The following TSHZ3 variants were observed in gnomAD, a reference collection of about 807,000 sequenced individuals.
TSHZ3 encodes teashirt homolog 3.
Under a neutral mutation model 64.5 loss-of-function variants are expected in TSHZ3, and 10 were observed. The observed-to-expected ratio is 0.16, with a 90% CI of 0.10 to 0.26. TSHZ3 has a LOEUF of 0.26. Ranked by LOEUF, TSHZ3 falls within the 10% of genes least tolerant of loss-of-function variation. The pLI, the probability that TSHZ3 is intolerant of heterozygous loss-of-function variation, is 1.00. For synonymous variants in TSHZ3, 608 were observed against 593.1 expected (o/e 1.03, Z -0.36); for missense variants, 1,242 against 1,421.7 (o/e 0.87, Z 2.03).
At position 31,206,051 on chromosome 19, in the gene TSHZ3, G is replaced by A. The variant is rs149198334; in HGVS notation, n.687-973C>T. The stretch of plus-strand genomic sequence containing the variant: ...TGGATGAATTGATGGGTGAGTGGAA[G>A]ATAAATGAATAGATGGATGGGTGAA... On this transcript the variant is annotated intron_variant and non_coding_transcript_variant, in intron 4 of 6. Coordinates refer to the TSHZ3 transcript ENST00000651361. Among the ~76,000 whole-genome samples, 25 of 151,964 alleles carry A rather than the reference G, an allele frequency of 1.6e-4. No homozygotes were observed. In the East Asian group the frequency reaches 3.1e-3, roughly 19 times the overall value.
intron 1 of TSHZ3, among the ~76,000 whole-genome samples, chr19:31,264,868 T>G (rs890393664): frequency 8.5e-5 from 13 of 152,186 alleles, no homozygotes; most frequent in Non-Finnish European, 1.9e-4. Context: ...CTCTTTCTAG[T>G]AAATTCTGGT....
intron 4 of TSHZ3, among the ~76,000 whole-genome samples, chr19:31,206,375 A>C (rs1017563610): frequency 1.3e-4 from 20 of 152,232 alleles, no homozygotes; most frequent in Middle Eastern, 3.4e-3. Flanking sequence ...ATGGATGGAT[A>C]GGTGGAGAGA....
chr19:31,177,647 T>C (rs887612731), intron 5 of TSHZ3, among the ~76,000 whole-genome samples: 3 of 152,260 alleles, frequency 2.0e-5, no homozygotes, highest in African/African-American at 7.2e-5. Context: ...TAAATCCCAG[T>C]GTTTGCTGTA....
intron 5 of TSHZ3, among the ~76,000 whole-genome samples, chr19:31,191,156 C>A (rs764589119): frequency 1.3e-5 from 2 of 152,044 alleles, no homozygotes; most frequent in Non-Finnish European, 2.9e-5. Flanking sequence ...TATTGCTGAA[C>A]TTTATGAACA....
At chr19:31,261,157 C>A (rs537912188) in intron 1 of TSHZ3, among the ~76,000 whole-genome samples, 2 of 152,302 alleles carry the variant, frequency 1.3e-5, no homozygotes, top group Admixed American at 1.3e-4. Context: ...GCTCTCCCAC[C>A]CCTGGCGCCC....
At chr19:31,313,088 T>G (rs909428360) in intron 1 of TSHZ3, among the ~76,000 whole-genome samples, 1 of 151,936 alleles carries the variant, frequency 6.6e-6, no homozygotes, top group East Asian at 1.9e-4. Flanking sequence ...GCATGACAGG[T>G]TTGGGACTCA....
chr19:31,164,578 G>A (rs1379394708), intron 5 of TSHZ3, among the ~76,000 whole-genome samples: 1 of 152,138 alleles, frequency 6.6e-6, no homozygotes, highest in Non-Finnish European at 1.5e-5. Flanking sequence ...CAGAGCCTCG[G>A]GTCCCAGTCT....
At chr19:31,296,760 A>T (rs1976668785) in intron 1 of TSHZ3, among the ~76,000 whole-genome samples, 1 of 152,124 alleles carries the variant, frequency 6.6e-6, no homozygotes, top group African/African-American at 2.4e-5. Context: ...GGGAGTGGGC[A>T]TTTGGGGCTG....
chr19:31,276,375 T>C lies in TSHZ3; in HGVS notation c.*172A>G. ...ATATTTTACCAGTAACAACAGCTGA[T>C]TATGCACCTCTATTAAACACTGTAC... On this transcript the variant is annotated 3_prime_UTR_variant, in exon 2 of 2. Transcript: ENST00000240587. 1.9e-6 allele frequency: 1 copy of C among 537,178 alleles called. No homozygotes were observed. The highest frequency in any genetic ancestry group is 3.0e-5 in the East Asian group (1 of 33,120). 33.3% of individuals were successfully genotyped at this position (537,178 alleles called of 1,614,324 possible). A position where few individuals can be genotyped will look rare whatever the true frequency, so the allele number is the denominator to read the frequency against.
intron 5 of TSHZ3, among the ~76,000 whole-genome samples, chr19:31,194,841 C>T (rs1238339354): frequency 6.6e-6 from 1 of 152,000 alleles, no homozygotes; most frequent in Non-Finnish European, 1.5e-5. Flanking sequence ...AAAGTGGACA[C>T]CATGCAAGAA....
At chr19:31,210,305 T>G (rs1975246505) in intron 4 of TSHZ3, among the ~76,000 whole-genome samples, 1 of 152,112 alleles carries the variant, frequency 6.6e-6, no homozygotes, top group Non-Finnish European at 1.5e-5. Flanking sequence ...CAAAAGGGCT[T>G]TGCACCTGTT....
rs926714541 is a variant in TSHZ3, at chr19:31,349,304, G to C, written c.-85C>G. On this transcript the variant is annotated 5_prime_UTR_variant, in exon 1 of 2. Coordinates refer to ENST00000240587, the MANE Select transcript of TSHZ3 (RefSeq NM_020856.4). ...GAGGGAGGGGGCGGCGGGCCCGCGGGGGGGCGAGGCGGGCCTGCTCTCAGC... is the reference window on the plus strand; with the variant it reads ...GAGGGAGGGGGCGGCGGGCCCGCGGCGGGGCGAGGCGGGCCTGCTCTCAGC... 40 of 1,386,864 alleles carry C rather than the reference G, an allele frequency of 2.9e-5. No homozygotes were observed. Among genetic ancestry groups the C allele is most frequent in the Admixed American group, 1.1e-4 (4 of 37,882 alleles). The allele number at this position is 1,386,864 out of a possible 1,614,324, so 85.9% of individuals were successfully genotyped here.
At position 31,334,563 on chromosome 19, in the gene TSHZ3, A is replaced by T. The variant is rs527417656; in HGVS notation, c.40+14617T>A. Reference sequence around the variant, plus strand: ...TCATCCTAAGGCTTCAGGCAAAGCCAGCAGGGTGGGGGCTGAGCCTGCTTT... The same window carrying T: ...TCATCCTAAGGCTTCAGGCAAAGCCTGCAGGGTGGGGGCTGAGCCTGCTTT... On this transcript the variant is annotated intron_variant, in intron 1 of 1. Coordinates refer to ENST00000240587, the MANE Select transcript of TSHZ3 (RefSeq NM_020856.4). Among the ~76,000 whole-genome samples the T allele has an allele frequency of 4.9e-4, 75 of 152,326 alleles. 1 individual carries two copies. The South Asian group carries it at 0.011, about 23-fold the overall frequency.
At chr19:31,211,562 C>T (rs1188996425) in intron 4 of TSHZ3, among the ~76,000 whole-genome samples, 2 of 152,170 alleles carry the variant, frequency 1.3e-5, no homozygotes, top group Non-Finnish European at 2.9e-5. Context: ...GCATCCCAGG[C>T]TCCAGCAAGG....
chr19:31,213,986 T>G (rs1205007061), intron 4 of TSHZ3, among the ~76,000 whole-genome samples: 13 of 152,256 alleles, frequency 8.5e-5, no homozygotes. Context: ...TCCTTACTTC[T>G]TCCTGCACTT....
At chr19:31,184,920 A>G (rs1974779092) in intron 5 of TSHZ3, among the ~76,000 whole-genome samples, 2 of 152,234 alleles carry the variant, frequency 1.3e-5, no homozygotes, top group Non-Finnish European at 2.9e-5. Flanking sequence ...GAAAAAATGC[A>G]TTCCTCTGCC....
chr19:31,341,569 A>T (rs1307878655), intron 1 of TSHZ3, among the ~76,000 whole-genome samples: 1 of 152,028 alleles, frequency 6.6e-6, no homozygotes, highest in Non-Finnish European at 1.5e-5. Flanking sequence ...GCACTGTTAT[A>T]GAAAGGTGGC....
chr19:31,222,903 A>T (rs1235785284), intron 4 of TSHZ3, among the ~76,000 whole-genome samples: 5 of 152,230 alleles, frequency 3.3e-5, no homozygotes, highest in Admixed American at 3.3e-4. Flanking sequence ...GACAGCAAGA[A>T]GACATGTCAA....
chr19:31,337,291 A>G (rs904202958), intron 1 of TSHZ3, among the ~76,000 whole-genome samples: 5 of 152,216 alleles, frequency 3.3e-5, no homozygotes, highest in African/African-American at 1.2e-4. Context: ...AAAGGGGATA[A>G]GAAGAAAAGC....
Sources: allele counts gnomAD v4.1 joint callset (sites outside exome capture counted in the v4.1 genomes callset), GRCh38; gene constraint gnomAD v4.1.1; transcripts MANE v1.5; gene names NCBI Gene and HGNC (gene_info 2026-07-23, HGNC 2026-07-21).